The following SLC25A27 variants were observed in gnomAD, a reference collection of about 807,000 sequenced individuals.
SLC25A27 encodes the protein mitochondrial uncoupling protein 4.
In SLC25A27, 35 loss-of-function variants were observed where a neutral mutation model predicts 49.1. The observed-to-expected ratio is 0.71, with a 90% CI of 0.54 to 0.95. The LOEUF (loss-of-function observed/expected upper bound fraction) is 0.95. Ranked by LOEUF, SLC25A27 falls within the 40% of genes least tolerant of loss-of-function variation. SLC25A27 has a pLI of 0.00. For missense variants in SLC25A27, 339 were observed against 397.1 expected, an observed-to-expected ratio of 0.85 and a Z score of 1.24; for synonymous variants, 144 against 136.9, an observed-to-expected ratio of 1.05 and a Z score of -0.36.
intron 2 of SLC25A27, among the ~76,000 whole-genome samples, chr6:46,656,901 T>G (rs992783860): frequency 3.9e-5 from 6 of 152,200 alleles, no homozygotes; most frequent in African/African-American, 1.4e-4. Flanking sequence ...TACAGTGGCT[T>G]ATGCCTATAA....
chr6:46,670,126 T>C lies in SLC25A27; in HGVS notation c.705-9T>C. 1.3e-6 allele frequency: 2 copies of C among 1,583,698 alleles called. No individual in the cohort carries two copies. Among genetic ancestry groups the C allele is most frequent in the Non-Finnish European group, 8.6e-7 (1 of 1,156,302 alleles). On this transcript the variant is annotated splice_polypyrimidine_tract_variant and intron_variant, in intron 6 of 8. Transcript: ENST00000371347. The stretch of plus-strand genomic sequence containing the variant: ...ACCATCTTTCAATTTCATTTATTTG[T>C]ATTTATAGTTTATGTTCTGGACTGG...
chr6:46,661,195 A>G (rs1298516478), intron 3 of SLC25A27, among the ~76,000 whole-genome samples: 1 of 152,154 alleles, frequency 6.6e-6, no homozygotes, highest in Non-Finnish European at 1.5e-5. Flanking sequence ...TGTGCTCATC[A>G]TTGTGTGGAG....
chr6:46,655,916 C>T lies in SLC25A27; in HGVS notation c.180C>T (p.Asp60=), dbSNP rs186905204. The stretch of plus-strand genomic sequence containing the variant: ...AAGCAGCTCTTGCTCGGTTGGGAGA[C>T]GGTGCAAGAGAATCTGCCCCCTATA... ...QGEAALARLG[D]GARESAPYRG... Residue 60 remains aspartate, a synonymous_variant, in exon 2 of 9, where the codon GAC becomes GAT. Transcript: ENST00000371347. 2,903 of 1,613,496 alleles carry T rather than the reference C, an allele frequency of 1.8e-3. 10 individuals carry two copies. The highest frequency in any genetic ancestry group is 3.7e-3 in the South Asian group (335 of 91,024).
intron 3 of SLC25A27, among the ~76,000 whole-genome samples, chr6:46,661,258 CATT>C (rs879699822): frequency 2.0e-5 from 3 of 152,098 alleles, no homozygotes; most frequent in Non-Finnish European, 4.4e-5. Flanking sequence ...ATGTGCTCAT[CATT>C]GTGTGGAGAA....
intron 4 of SLC25A27, among the ~76,000 whole-genome samples, chr6:46,663,935 A>C (rs1055329498): frequency 2.0e-5 from 3 of 152,202 alleles, no homozygotes; most frequent in Non-Finnish European, 4.4e-5. Context: ...ATGTATATTA[A>C]ATGCTTGGTA....
In SLC25A27 at chr6:46,655,936, C is replaced by T. The variant is rs746482027; in HGVS notation, c.200C>T (p.Pro67Leu). Residue 67 changes from proline (P) to leucine (L), a missense_variant, in exon 2 of 9, where the codon CCC becomes CTC. Coordinates refer to ENST00000371347, the MANE Select transcript of SLC25A27 (RefSeq NM_004277.5). ...RLGDGARESAPYRGMVRTALG... is the reference protein window; with the variant it reads ...RLGDGARESALYRGMVRTALG... ...GGAGACGGTGCAAGAGAATCTGCCCCCTATAGGGGAATGGTGCGCACAGCT... is the reference window on the plus strand; with the variant it reads ...GGAGACGGTGCAAGAGAATCTGCCCTCTATAGGGGAATGGTGCGCACAGCT... 6.2e-7 allele frequency: 1 copy of T among 1,613,886 alleles called. No homozygotes were observed. The highest frequency in any genetic ancestry group is 2.2e-5 in the East Asian group (1 of 44,848).
chr6:46,664,479 T>C (rs563051839), intron 4 of SLC25A27, among the ~76,000 whole-genome samples: 1 of 152,308 alleles, frequency 6.6e-6, no homozygotes, highest in East Asian at 1.9e-4. Context: ...ACTGATAATA[T>C]AAAATATCAA....
chr6:46,653,330 G>T, intron 1 of SLC25A27, 32 bp downstream of exon 1: 2 of 1,589,870 alleles, frequency 1.3e-6, no homozygotes, highest in Non-Finnish European at 1.7e-6. Context: ...GGCCTCCCGG[G>T]CCAGTGGCAC....
chr6:46,664,964 AT>A, intron 5 of SLC25A27, 78 bp downstream of exon 5: 1 of 629,628 alleles, frequency 1.6e-6, no homozygotes, highest in Non-Finnish European at 2.6e-6. Context: ...GGAAATTAAA[AT>A]TTATGTTTTA....
Position 46,671,232 on chromosome 6 carries a change from A to G in SLC25A27, c.900+4A>G. The G allele has an allele frequency of 6.7e-7, 1 of 1,494,060 alleles. No individual in the cohort carries two copies. The allele number at this position is 1,494,060 out of a possible 1,614,324, so 92.6% of individuals were successfully genotyped here. A position where few individuals can be genotyped will look rare whatever the true frequency, so the allele number is the denominator to read the frequency against. The stretch of plus-strand genomic sequence containing the variant: ...TTTACCATCTTGGCTGAGAATGGTA[A>G]AGTTAGGTTTACTTCCTTTGTTTTT... On this transcript the variant is annotated splice_donor_region_variant and intron_variant, in intron 8 of 8. Coordinates refer to ENST00000371347, the MANE Select transcript of SLC25A27 (RefSeq NM_004277.5).
intron 3 of SLC25A27, among the ~76,000 whole-genome samples, chr6:46,662,139 T>C (rs578056328): frequency 6.6e-6 from 1 of 152,096 alleles, no homozygotes; most frequent in Non-Finnish European, 1.5e-5. Context: ...AAGCAACTGC[T>C]CTTTCCTTTG....
intron 6 of SLC25A27, among the ~76,000 whole-genome samples, chr6:46,669,060 TCTCCAA>T (rs1763424171): frequency 6.6e-6 from 1 of 152,200 alleles, no homozygotes; most frequent in Admixed American, 6.5e-5. Flanking sequence ...GATGATGGAC[TCTCCAA>T]CTCATTTCAA....
rs946332725 is a variant in SLC25A27 at position 46,658,705 on chromosome 6, A to G, written c.299-257A>G. Reference sequence around the variant, plus strand: ...GAGTTGAGTCCTGAAAGACAAGGAGATGTTAGTAAAGCAGAGAAGGGAGAA... The same window carrying G: ...GAGTTGAGTCCTGAAAGACAAGGAGGTGTTAGTAAAGCAGAGAAGGGAGAA... On this transcript the variant is annotated intron_variant, in intron 2 of 8. Coordinates refer to ENST00000371347, the MANE Select transcript of SLC25A27 (RefSeq NM_004277.5). 1.0e-5 allele frequency: 5 copies of G among 487,740 alleles called. No homozygotes were observed. In the South Asian group the frequency reaches 1.2e-4, roughly 12 times the overall value. 30.2% of individuals were successfully genotyped at this position (487,740 alleles called of 1,614,324 possible). A position where few individuals can be genotyped will look rare whatever the true frequency, so the allele number is the denominator to read the frequency against.
At chr6:46,666,069 A>G (rs540862750) in intron 5 of SLC25A27, among the ~76,000 whole-genome samples, 16 of 152,114 alleles carry the variant, frequency 1.1e-4, no homozygotes, top group African/African-American at 3.9e-4. Context: ...CACATACCAA[A>G]CTGTTCTTCA....
intron 8 of SLC25A27, among the ~76,000 whole-genome samples, chr6:46,673,470 A>C (rs1763633035): frequency 1.3e-5 from 2 of 152,222 alleles, no homozygotes; most frequent in Admixed American, 1.3e-4. Context: ...GGGAACACAG[A>C]TAGTGGAGTG....
chr6:46,656,047 A>C lies in SLC25A27; in HGVS notation c.298+13A>C. 3.8e-6 allele frequency: 6 copies of C among 1,590,298 alleles called. No homozygotes were observed. Among genetic ancestry groups the C allele is most frequent in the Non-Finnish European group, 5.1e-6 (6 of 1,169,226 alleles). Reference sequence around the variant, plus strand: ...TACAGACACGTAGGTATTTATCTTGATTCTAGCTGGTAAGTTTGTTATGAG... The same window carrying C: ...TACAGACACGTAGGTATTTATCTTGCTTCTAGCTGGTAAGTTTGTTATGAG... On this transcript the variant is annotated intron_variant, in intron 2 of 8. Coordinates refer to ENST00000371347, the MANE Select transcript of SLC25A27 (RefSeq NM_004277.5).
intron 5 of SLC25A27, 52 bp from the exon 6 acceptor site, chr6:46,668,657 C>G (rs1763402822): frequency 9.6e-7 from 1 of 1,045,600 alleles, no homozygotes; most frequent in South Asian, 1.3e-5. Flanking sequence ...ATTCTTGACA[C>G]AAAAGACATT....
In SLC25A27 at chr6:46,653,094, C is replaced by T; in HGVS notation, c.-99C>T. ...GAAATGGTCCTCACCCGGCCACTCG[C>T]CGGTTGAAAAGGGGCCGCCCTGGCA... On this transcript the variant is annotated 5_prime_UTR_variant, in exon 1 of 9. Transcript: ENST00000371347. 1 of 1,158,648 alleles carries T rather than the reference C, an allele frequency of 8.6e-7. No individual in the cohort carries two copies. Among genetic ancestry groups the T allele is most frequent in the Non-Finnish European group, 1.3e-6 (1 of 795,148 alleles). 71.8% of individuals were successfully genotyped at this position (1,158,648 alleles called of 1,614,324 possible).
intron 4 of SLC25A27, among the ~76,000 whole-genome samples, chr6:46,663,371 G>T (rs16874935): frequency 0.034 from 5,205 of 152,190 alleles, 226 homozygotes; most frequent in African/African-American, 0.11. Context: ...AGCTGACTCA[G>T]TGGAAAAGGA....
Sources: gnomAD v4.1 joint callset for allele counts (sites outside exome capture counted in the v4.1 genomes callset) on GRCh38, gnomAD v4.1.1 for gene constraint, MANE v1.5 for transcripts, NCBI Gene and HGNC (gene_info 2026-07-23, HGNC 2026-07-21) for gene names.